Variants in TRDN observed in about 807,000 individuals in gnomAD.
TRDN encodes the protein triadin in skeletal muscle.
A neutral mutation model predicts 149.7 loss-of-function variants in TRDN; 161 were observed. The observed-to-expected ratio is 1.08, with a 90% CI of 0.95 to 1.23. The LOEUF (loss-of-function observed/expected upper bound fraction) is 1.23, where lower values mean the gene tolerates loss of function less well. TRDN is among the 50% of genes most tolerant of loss of function. TRDN has a pLI of 0.00. For missense variants in TRDN, 896 were observed against 823.5 expected (o/e 1.09, Z -1.08); for synonymous variants, 294 against 250.5 (o/e 1.17, Z -1.64).
intron 38 of TRDN, among the ~76,000 whole-genome samples, chr6:123,245,857 CA>C (rs1191462339): frequency 6.6e-6 from 1 of 152,164 alleles, no homozygotes; most frequent in African/African-American, 2.4e-5. Flanking sequence ...CACTCCTCAG[CA>C]AATGCAAAAG....
At chr6:123,257,376 C>T (rs141726913) in intron 35 of TRDN, among the ~76,000 whole-genome samples, 1 of 152,312 alleles carries the variant, frequency 6.6e-6, no homozygotes, top group Admixed American at 6.5e-5. Flanking sequence ...ATTTTCCCAA[C>T]ACCATTTATT....
At chr6:123,580,268 C>T (rs192852614) in intron 1 of TRDN, among the ~76,000 whole-genome samples, 7 of 152,040 alleles carry the variant, frequency 4.6e-5, no homozygotes, top group Admixed American at 4.6e-4. Context: ...ATTTTTTCTA[C>T]AAACAGTAAA....
At chr6:123,445,289 G>C (rs1352839666) in intron 10 of TRDN, 2 of 151,352 alleles carry the variant, frequency 1.3e-5, no homozygotes, top group Non-Finnish European at 2.9e-5. Context: ...AACCCTAGAA[G>C]AAAACCTAGG....
At chr6:123,325,745 AAC>A (rs1478916593) in intron 23 of TRDN, among the ~76,000 whole-genome samples, 4 of 152,072 alleles carry the variant, frequency 2.6e-5, no homozygotes, top group Non-Finnish European at 4.4e-5. Flanking sequence ...GCAAGACAAA[AAC>A]ACTGGTTAAG....
chr6:123,249,889 A>G (rs1349680190), intron 38 of TRDN, among the ~76,000 whole-genome samples: 1 of 152,158 alleles, frequency 6.6e-6, no homozygotes, highest in Non-Finnish European at 1.5e-5. Flanking sequence ...AGGCATCCAC[A>G]TTGGAAAATA....
At chr6:123,543,487 C>T (rs980139151) in intron 4 of TRDN, among the ~76,000 whole-genome samples, 2 of 152,082 alleles carry the variant, frequency 1.3e-5, no homozygotes, top group African/African-American at 2.4e-5. Context: ...TACATTGTAC[C>T]GTCGTGAATC....
intron 12 of TRDN, among the ~76,000 whole-genome samples, chr6:123,420,403 A>C (rs1582997273): frequency 6.7e-6 from 1 of 149,864 alleles, no homozygotes. Context: ...AAAAAAAAAC[A>C]GCAAAACTGT....
intron 9 of TRDN, among the ~76,000 whole-genome samples, chr6:123,490,329 G>A (rs1323759265): frequency 6.6e-6 from 1 of 152,150 alleles, no homozygotes; most frequent in Non-Finnish European, 1.5e-5. Flanking sequence ...CCTAATAAGT[G>A]TCTCACAGAC....
intron 9 of TRDN, among the ~76,000 whole-genome samples, chr6:123,479,707 G>T (rs1409746734): frequency 6.6e-6 from 1 of 152,246 alleles, no homozygotes; most frequent in East Asian, 1.9e-4. Flanking sequence ...TTTCAAAAGA[G>T]CATAGGGGAC....
At chr6:123,489,551 A>G (rs1196386632) in intron 9 of TRDN, 3 of 152,180 alleles carry the variant, frequency 2.0e-5, no homozygotes, top group Non-Finnish European at 2.9e-5. Context: ...TAAACAGAAC[A>G]AAACCCATTA....
chr6:123,351,747 A>C, intron 21 of TRDN: 1 of 919,232 alleles, frequency 1.1e-6, no homozygotes. Context: ...GAAATCATTT[A>C]GACTTTGTTC....
rs191018297 is a variant in TRDN, at chr6:123,416,425, A to G, written c.1051+21638T>C. Among the ~76,000 whole-genome samples the G allele has an allele frequency of 1.4e-3, 177 of 128,062 alleles. 2 individuals carry two copies. Among genetic ancestry groups the G allele is most frequent in the Admixed American group, 0.013 (160 of 12,244 alleles). 84.0% of individuals were successfully genotyped at this position (128,062 alleles called of 152,430 possible). On this transcript the variant is annotated intron_variant, in intron 12 of 40. Coordinates refer to ENST00000334268, the MANE Select transcript of TRDN (RefSeq NM_006073.4). The stretch of plus-strand genomic sequence containing the variant: ...TGTGTGAAGGTTGCATTTTTACTGT[A>G]TGAAACTATTTTCACAAATGTGTGT...
At chr6:123,466,089 T>C (rs959402890) in intron 9 of TRDN, among the ~76,000 whole-genome samples, 6 of 152,226 alleles carry the variant, frequency 3.9e-5, no homozygotes, top group African/African-American at 1.4e-4. Context: ...TAAGTATGTA[T>C]AGAAGCCAAA....
chr6:123,309,852 A>G (rs1778749884), intron 24 of TRDN, among the ~76,000 whole-genome samples: 1 of 152,066 alleles, frequency 6.6e-6, no homozygotes, highest in East Asian at 1.9e-4. Flanking sequence ...ACAAATATAT[A>G]AATCGATTAT....
intron 7 of TRDN, among the ~76,000 whole-genome samples, chr6:123,509,123 CATATATACTTATGCATACAT>C: frequency 6.6e-6 from 1 of 151,868 alleles, no homozygotes; most frequent in Non-Finnish European, 1.5e-5. Context: ...TAAACAGGCA[CATATATACTTATGCATACAT>C]ATATATACAC....
At chr6:123,424,144 G>A (rs781349881) in intron 12 of TRDN, among the ~76,000 whole-genome samples, 7 of 152,142 alleles carry the variant, frequency 4.6e-5, no homozygotes, top group South Asian at 2.1e-4. Flanking sequence ...TTTAATCATC[G>A]TATTTATATA....
intron 7 of TRDN, among the ~76,000 whole-genome samples, chr6:123,505,320 T>C (rs370528420): frequency 2.0e-5 from 3 of 148,978 alleles, no homozygotes; most frequent in African/African-American, 7.4e-5. Context: ...GTACCCTAAA[T>C]GATGATTTCA....
At chr6:123,407,779 T>TAAGGAAGGTAA (rs1773257746) in intron 12 of TRDN, among the ~76,000 whole-genome samples, 1 of 152,170 alleles carries the variant, frequency 6.6e-6, no homozygotes, top group Non-Finnish European at 1.5e-5. Flanking sequence ...AAATTAATCT[T>TAAGGAAGGTAA]AAGGAAGGTA....
At chr6:123,535,526 A>G (rs1409787905) in intron 4 of TRDN, among the ~76,000 whole-genome samples, 2 of 152,130 alleles carry the variant, frequency 1.3e-5, no homozygotes, top group African/African-American at 4.8e-5. Flanking sequence ...TTGAAATCCA[A>G]AGAAAACATT....
Sources: allele counts gnomAD v4.1 joint callset (sites outside exome capture counted in the v4.1 genomes callset), GRCh38; gene constraint gnomAD v4.1.1; transcripts MANE v1.5; gene names NCBI Gene and HGNC (gene_info 2026-07-23, HGNC 2026-07-21).